Variants in BST1 observed in about 807,000 individuals in gnomAD.
BST1 encodes the protein bone marrow stromal cell antigen 1.
BST1 carries 49 observed loss-of-function variants against 40.6 expected under a neutral mutation model. The ratio of observed to expected loss-of-function variants is 1.21; its 90% CI spans 0.96 to 1.53. The LOEUF is 1.53. BST1 is among the 40% of genes most tolerant of loss of function. The pLI, the probability that BST1 is intolerant of heterozygous loss-of-function variation, is 0.00. For synonymous variants in BST1, 157 were observed against 159.3 expected, an observed-to-expected ratio of 0.99 and a Z score of 0.11; for missense variants, 423 against 395.9, an observed-to-expected ratio of 1.07 and a Z score of -0.58.
At chr4:15,703,403 A>G in intron 1 of BST1, 71 bp downstream of exon 1, 1 of 1,457,292 alleles carries the variant, frequency 6.9e-7, no homozygotes, top group Non-Finnish European at 9.0e-7. Flanking sequence ...GGAGGGGAAA[A>G]CTGGCGCTAA....
downstream of BST1, among the ~76,000 whole-genome samples, chr4:15,735,704 T>G (rs1721535230): frequency 6.6e-6 from 1 of 152,168 alleles, no homozygotes; most frequent in Non-Finnish European, 1.5e-5. Context: ...GCCAATCCCA[T>G]GGGAGCCCCA....
the BST1 span, among the ~76,000 whole-genome samples, chr4:15,746,165 A>G: frequency 2.6e-5 from 4 of 152,228 alleles, no homozygotes; most frequent in African/African-American, 9.6e-5. Flanking sequence ...TGGTACTGCA[A>G]CTGCAAACTG....
the BST1 span, among the ~76,000 whole-genome samples, chr4:15,772,690 G>A: frequency 6.6e-6 from 1 of 152,314 alleles, no homozygotes; most frequent in African/African-American, 2.4e-5. Flanking sequence ...TTTGCAGATC[G>A]AACCTAGCTT....
At chr4:15,710,408 T>A (rs1413170891) in intron 3 of BST1, among the ~76,000 whole-genome samples, 1 of 152,206 alleles carries the variant, frequency 6.6e-6, no homozygotes, top group Admixed American at 6.5e-5. Flanking sequence ...ATATCAATCA[T>A]CTTAAACATT....
In BST1 at chr4:15,732,019, G is replaced by A. The variant is rs562548692; in HGVS notation, c.*174G>A. ...CATATGTTCAGGATTTCAGAAACAA[G>A]AAGTTAGTTCTATTTAGCAGGTTAA... On this transcript the variant is annotated 3_prime_UTR_variant, in exon 9 of 9. Transcript: ENST00000265016. 86 of 1,324,014 alleles carry A rather than the reference G, an allele frequency of 6.5e-5. No homozygotes were observed. In the African/African-American group the frequency reaches 7.8e-4, roughly 12 times the overall value. 82.0% of individuals were successfully genotyped at this position (1,324,014 alleles called of 1,614,324 possible). A position where few individuals can be genotyped will look rare whatever the true frequency, so the allele number is the denominator to read the frequency against.
At chr4:15,741,242 C>T (rs1415310513), downstream of BST1, among the ~76,000 whole-genome samples, 9 of 152,122 alleles carry the variant, frequency 5.9e-5, no homozygotes, top group Admixed American at 5.9e-4. Context: ...GGGGCCATCC[C>T]TGTCTACAGC....
At chr4:15,715,865 A>G in intron 6 of BST1, 66 bp downstream of exon 6, 10 of 1,202,482 alleles carry the variant, frequency 8.3e-6, no homozygotes, top group Non-Finnish European at 1.1e-5. Flanking sequence ...TAATATGATA[A>G]AGTTCGTTTA....
the BST1 span, among the ~76,000 whole-genome samples, chr4:15,757,041 G>A: frequency 2.0e-5 from 3 of 152,196 alleles, no homozygotes; most frequent in African/African-American, 4.8e-5. Flanking sequence ...GTATCAGGAA[G>A]AGGGCTGTTC....
intron 8 of BST1, among the ~76,000 whole-genome samples, chr4:15,727,589 T>G (rs1448667341): frequency 6.6e-6 from 1 of 152,244 alleles, no homozygotes; most frequent in East Asian, 1.9e-4. Flanking sequence ...TAAACTTTCT[T>G]GGCATACATT....
intron 6 of BST1, among the ~76,000 whole-genome samples, chr4:15,718,282 C>T (rs1720621149): frequency 6.6e-6 from 1 of 151,764 alleles, no homozygotes; most frequent in South Asian, 2.1e-4. Context: ...TGTGTATACA[C>T]ACACACACAG....
At chr4:15,727,481 T>A (rs1721176713) in intron 8 of BST1, among the ~76,000 whole-genome samples, 1 of 152,232 alleles carries the variant, frequency 6.6e-6, no homozygotes, top group Admixed American at 6.5e-5. Context: ...TAGTCATAGA[T>A]AATTTACAAA....
At chr4:15,772,902 G>A in the BST1 span, among the ~76,000 whole-genome samples, 1 of 152,232 alleles carries the variant, frequency 6.6e-6, no homozygotes, top group East Asian at 1.9e-4. Context: ...AGGTGCGCAC[G>A]CACCATGGAG....
the BST1 span, among the ~76,000 whole-genome samples, chr4:15,763,349 T>C: frequency 1.3e-4 from 19 of 151,830 alleles, no homozygotes; most frequent in Non-Finnish European, 4.4e-5. Context: ...TCTTAGGATA[T>C]AAATTCCTGG....
chr4:15,704,794 C>A, intron 1 of BST1: 1 of 680,014 alleles, frequency 1.5e-6, no homozygotes, highest in Admixed American at 2.2e-5. Context: ...TGGAGGATTT[C>A]TGAAGTTTGG....
Position 15,732,117 on chromosome 4 carries a change from T to G in BST1, c.*272T>G. On this transcript the variant is annotated 3_prime_UTR_variant, in exon 9 of 9. Transcript: ENST00000265016. ...TGACACAAAGCATTGGGAGTCAGACTGCTTGTATATTATCAAACATTTTAA... is the reference window on the plus strand; with the variant it reads ...TGACACAAAGCATTGGGAGTCAGACGGCTTGTATATTATCAAACATTTTAA... 8.5e-7 allele frequency: 1 copy of G among 1,177,474 alleles called. No individual in the cohort carries two copies. Among genetic ancestry groups the G allele is most frequent in the Non-Finnish European group, 1.1e-6 (1 of 950,202 alleles). The allele number at this position is 1,177,474 out of a possible 1,614,324, so 72.9% of individuals were successfully genotyped here.
chr4:15,758,942 G>A, the BST1 span, among the ~76,000 whole-genome samples: 3 of 151,902 alleles, frequency 2.0e-5, no homozygotes, highest in Non-Finnish European at 4.4e-5. Flanking sequence ...GGTGGATTAC[G>A]GAGCTATGGC....
At chr4:15,738,994 A>G (rs1721667919), downstream of BST1, among the ~76,000 whole-genome samples, 1 of 152,196 alleles carries the variant, frequency 6.6e-6, no homozygotes, top group Non-Finnish European at 1.5e-5. Context: ...AGGACAATGA[A>G]TCATCATTGG....
chr4:15,742,494 T>G (rs1156517557), downstream of BST1, among the ~76,000 whole-genome samples: 1 of 152,264 alleles, frequency 6.6e-6, no homozygotes, highest in Admixed American at 6.5e-5. Context: ...AATCTTGAAC[T>G]TTCCAGCCAC....
chr4:15,716,681 AT>A (rs1720533865), intron 6 of BST1, among the ~76,000 whole-genome samples: 1 of 152,240 alleles, frequency 6.6e-6, no homozygotes, highest in African/African-American at 2.4e-5. Context: ...CAAGATCTGC[AT>A]TCCCCTTCTC....
Sources: gnomAD v4.1 joint callset for allele counts (sites outside exome capture counted in the v4.1 genomes callset) on GRCh38, gnomAD v4.1.1 for gene constraint, MANE v1.5 for transcripts, NCBI Gene and HGNC (gene_info 2026-07-23, HGNC 2026-07-21) for gene names.